HCRTR1: variants seen among roughly 807,000 people sequenced by gnomAD.
HCRTR1 encodes the protein hypocretin receptor 1.
In HCRTR1, 28 loss-of-function variants were observed where a neutral mutation model predicts 40.6. The observed-to-expected ratio is 0.69, with a 90% CI of 0.51 to 0.95. HCRTR1 has a LOEUF of 0.95. Ranked by LOEUF, HCRTR1 falls within the 40% of genes least tolerant of loss-of-function variation. The probability of loss-of-function intolerance (pLI) is 0.00; values close to 1 mark genes in which losing one functional copy is unlikely to be tolerated. For synonymous variants in HCRTR1, 209 were observed against 230.0 expected, an observed-to-expected ratio of 0.91 and a Z score of 0.83; for missense variants, 482 against 564.7, an observed-to-expected ratio of 0.85 and a Z score of 1.48.
intron 6 of HCRTR1, among the ~76,000 whole-genome samples, chr1:31,622,841 C>G (rs948528523): frequency 6.6e-6 from 1 of 152,162 alleles, no homozygotes; most frequent in African/African-American, 2.4e-5. Flanking sequence ...GGAGGCACAA[C>G]TCACCCCCAC....
At chr1:31,623,848 T>A in intron 7 of HCRTR1, 99 bp downstream of exon 7, 2 of 840,760 alleles carry the variant, frequency 2.4e-6, no homozygotes, top group Non-Finnish European at 3.8e-6. Flanking sequence ...CCTTCTCCAC[T>A]ATGTGATCTT....
At chr1:31,632,433 T>C, downstream of HCRTR1, 1 of 1,611,778 alleles carries the variant, frequency 6.2e-7, no homozygotes, top group Non-Finnish European at 8.5e-7. Context: ...TGTTGTATCT[T>C]AGGGTGTAAA....
chr1:31,623,476 C>T (rs1639903530), intron 6 of HCRTR1, 47 bp from the exon 7 acceptor site: 1 of 1,530,372 alleles, frequency 6.5e-7, no homozygotes, highest in Non-Finnish European at 8.8e-7. Flanking sequence ...CAACCACCCT[C>T]CCAAGGTGCT....
chr1:31,626,666 C>CCCAG lies in HCRTR1; in HGVS notation c.1088-122_1088-121insAGCC. 1 of 382,374 alleles carries CCCAG rather than the reference C, an allele frequency of 2.6e-6. No homozygotes were observed. The highest frequency in any genetic ancestry group is 2.1e-5 in the African/African-American group (1 of 46,774). The allele number at this position is 382,374 out of a possible 1,614,324, so 23.7% of individuals were successfully genotyped here. ...TCAGGGCTCTCCCTCCCAGCTCTAT[C>CCCAG]CCTCCCTCCCTCCCCGCCCCCTCAT... is the stretch of plus-strand genomic sequence containing the variant. On this transcript the variant is annotated intron_variant, in intron 8 of 8. Coordinates refer to ENST00000403528, the MANE Select transcript of HCRTR1 (RefSeq NM_001525.3). The surrounding 1 kb of genome is among the most constrained non-coding windows in gnomAD (Gnocchi z 4.6).
chr1:31,625,148 A>C lies in HCRTR1; in HGVS notation c.1087+30A>C. ...GCAGGCTGGGGATGCAAAATGACTG[A>C]GGGTGGCCAACAGTCCACATGACAA... On this transcript the variant is annotated intron_variant, in intron 8 of 8. Coordinates refer to ENST00000403528, the MANE Select transcript of HCRTR1 (RefSeq NM_001525.3). The surrounding 1 kb of genome is among the most constrained non-coding windows in gnomAD (Gnocchi z 4.2). 1.9e-6 allele frequency: 3 copies of C among 1,572,550 alleles called. No homozygotes were observed. The highest frequency in any genetic ancestry group is 2.3e-5 in the East Asian group (1 of 42,936).
At chr1:31,620,779 C>A in intron 4 of HCRTR1, 64 bp from the exon 5 acceptor site, 1 of 1,572,116 alleles carries the variant, frequency 6.4e-7, no homozygotes, top group Non-Finnish European at 8.6e-7. Flanking sequence ...AGCCTCCTCA[C>A]TCACCTACTC....
chr1:31,630,910 TACTGGATC>T, downstream of HCRTR1: 1 of 1,299,344 alleles, frequency 7.7e-7, no homozygotes, highest in Non-Finnish European at 1.1e-6. Context: ...CAATCAGGAA[TACTGGATC>T]ACAACAGTTC....
At chr1:31,620,376 A>G (rs995068619) in intron 4 of HCRTR1, among the ~76,000 whole-genome samples, 1 of 152,170 alleles carries the variant, frequency 6.6e-6, no homozygotes, top group African/African-American at 2.4e-5. Context: ...ATTTCCCACT[A>G]TTTTGAGGCT....
At chr1:31,632,972 T>C (rs1177526656), downstream of HCRTR1, among the ~76,000 whole-genome samples, 1 of 152,130 alleles carries the variant, frequency 6.6e-6, no homozygotes, top group African/African-American at 2.4e-5. Context: ...GGTCTAGAAC[T>C]TAAGAAAGAT....
downstream of HCRTR1, chr1:31,632,295 T>C (rs1383538371): frequency 2.3e-6 from 2 of 878,152 alleles, no homozygotes; most frequent in Admixed American, 4.0e-5. Context: ...TGGACCCAGG[T>C]GTTTCCTTGC....
At position 31,623,679 on chromosome 1, in the gene HCRTR1, A is replaced by T; in HGVS notation, c.895A>T (p.Met299Leu). ...GCGTGCACGGAGGAAGACAGCCAAG[A>T]TGCTGATGGTGGTGCTGCTGGTCTT... ...QMRARRKTAK[M>L]LMVVLLVFAL... The change falls in exon 7 of 9, where the codon ATG becomes TTG. Residue 299 changes from methionine to leucine, a missense_variant. By Grantham distance (15) the Met-to-Leu change is conservative. Transcript: ENST00000403528. 1 of 1,614,160 alleles carries T rather than the reference A, an allele frequency of 6.2e-7. No homozygotes were observed. The highest frequency in any genetic ancestry group is 1.1e-5 in the South Asian group (1 of 91,084).
chr1:31,633,217 C>A, downstream of HCRTR1: 1 of 1,614,130 alleles, frequency 6.2e-7, no homozygotes, highest in Non-Finnish European at 8.5e-7. Context: ...TGACCAGGGC[C>A]TGCTTTAGCT....
rs1025311928 is a variant in HCRTR1, at chr1:31,625,029, G to A, written c.998G>A (p.Arg333His). Reference protein sequence around the residue: ...VFGMFRQASDREAVYACFTFS... With the variant: ...VFGMFRQASDHEAVYACFTFS... ...GGGATGTTCCGCCAAGCCAGTGACC[G>A]CGAAGCTGTCTACGCCTGCTTCACC... The change falls in exon 8 of 9, where the codon CGC becomes CAC. Residue 333 changes from arginine to histidine, a missense_variant. By Grantham distance (29) the Arg-to-His change is conservative (BLOSUM62 0). Coordinates refer to ENST00000403528, the MANE Select transcript of HCRTR1 (RefSeq NM_001525.3). This position sits in a 1 kb window ranked among gnomAD's most constrained non-coding sequence, Gnocchi z 4.2. The A allele has an allele frequency of 5.6e-6, 9 of 1,610,810 alleles. No individual in the cohort carries two copies. The highest frequency in any genetic ancestry group is 1.3e-5 in the African/African-American group (1 of 74,852).
chr1:31,632,073 A>G (rs1340135061), downstream of HCRTR1, among the ~76,000 whole-genome samples: 2 of 152,254 alleles, frequency 1.3e-5, no homozygotes, highest in Non-Finnish European at 2.9e-5. Flanking sequence ...AAGTTGGGAA[A>G]GAAACTGTCC....
At chr1:31,632,707 C>T, downstream of HCRTR1, 2 of 1,542,026 alleles carry the variant, frequency 1.3e-6, no homozygotes, top group Non-Finnish European at 1.8e-6. Context: ...CCCTCAGGAC[C>T]CATTGAGGCA....
At chr1:31,632,125 T>C (rs1640121793), downstream of HCRTR1, among the ~76,000 whole-genome samples, 1 of 152,214 alleles carries the variant, frequency 6.6e-6, no homozygotes, top group Non-Finnish European at 1.5e-5. Flanking sequence ...TGAGCCCTGT[T>C]CAGGGCTCTT....
downstream of HCRTR1, chr1:31,633,020 T>C: frequency 9.6e-7 from 1 of 1,046,712 alleles, no homozygotes. Context: ...GATCTCACCC[T>C]GAACCTAGCT....
downstream of HCRTR1, among the ~76,000 whole-genome samples, chr1:31,633,970 A>T (rs891013546): frequency 9.2e-5 from 14 of 151,574 alleles, no homozygotes; most frequent in African/African-American, 3.4e-4. Context: ...AAAAAAAAAC[A>T]AAAAAACCCA....
At chr1:31,632,385 A>C (rs551685481), downstream of HCRTR1, 121 of 1,552,374 alleles carry the variant, frequency 7.8e-5, no homozygotes, top group African/African-American at 1.5e-3. Context: ...AGCATTTTGT[A>C]GTGCAGGTGG....
Sources: gnomAD v4.1 joint callset for allele counts (sites outside exome capture counted in the v4.1 genomes callset) on GRCh38, gnomAD v4.1.1 for gene constraint, Gnocchi (gnomAD v3.1) non-coding constraint, MANE v1.5 for transcripts, NCBI Gene and HGNC (gene_info 2026-07-23, HGNC 2026-07-21) for gene names.